Variants in NR2E1 observed in about 807,000 individuals in gnomAD.
NR2E1 encodes nuclear receptor TLX.
Under a neutral mutation model 43.6 loss-of-function variants are expected in NR2E1, and 5 were observed. The ratio of observed to expected loss-of-function variants is 0.11; its 90% CI spans 0.06 to 0.24. NR2E1 has a LOEUF of 0.24. NR2E1 is among the 10% of genes least tolerant of loss of function. NR2E1 has a pLI of 1.00. For synonymous variants in NR2E1, 191 were observed against 195.5 expected, an observed-to-expected ratio of 0.98 and a Z score of 0.19; for missense variants, 287 against 496.7, an observed-to-expected ratio of 0.58 and a Z score of 4.01.
intron 1 of NR2E1, chr6:108,168,173 C>A: frequency 1.9e-6 from 3 of 1,572,886 alleles, no homozygotes; most frequent in East Asian, 4.5e-5. Context: ...GTAAAGCGAC[C>A]TCGATTTTTG....
intron 3 of NR2E1, chr6:108,176,276 G>A (rs544274004): frequency 2.4e-4 from 140 of 592,138 alleles, no homozygotes; most frequent in African/African-American, 1.3e-3. Context: ...GGCACTTTGA[G>A]CACGGGCCCC....
intron 2 of NR2E1, among the ~76,000 whole-genome samples, chr6:108,172,015 A>C (rs1180005364): frequency 6.6e-6 from 1 of 152,210 alleles, no homozygotes; most frequent in Non-Finnish European, 1.5e-5. Flanking sequence ...CACTCCTAGC[A>C]GCATCAAGCT....
At position 108,187,427 on chromosome 6, in the gene NR2E1, A is replaced by G. The variant is rs775211530; in HGVS notation, c.1122A>G (p.Arg374=). The G allele has an allele frequency of 1.2e-6, 2 of 1,614,230 alleles. No homozygotes were observed. Among genetic ancestry groups the G allele is most frequent in the South Asian group, 1.1e-5 (1 of 91,086 alleles). Residue 374 remains arginine, a synonymous_variant, in exon 9 of 9, where the codon AGA becomes AGG. Transcript: ENST00000368986. ...KKTIGNVPIT[R]LLSDMYKSSD... ...CCATCGGCAATGTGCCAATTACAAG[A>G]CTGCTTTCAGATATGTACAAATCCA...
At chr6:108,171,380 C>G (rs1773808310) in intron 1 of NR2E1, 78 bp from the exon 2 acceptor site, 1 of 1,466,906 alleles carries the variant, frequency 6.8e-7, no homozygotes, top group Non-Finnish European at 9.6e-7. Flanking sequence ...CTCTCTCCCT[C>G]TCCCCTTTTC....
chr6:108,169,340 G>A lies in NR2E1; in HGVS notation c.26-2118G>A, dbSNP rs1221959254. ...AAGCTCGGGCGGGGGAATCCGAGGA[G>A]GGGCCCCCACCCTGCACTGGTCTTC... On this transcript the variant is annotated intron_variant, in intron 1 of 8. Coordinates refer to ENST00000368986, the MANE Select transcript of NR2E1 (RefSeq NM_003269.5). This position sits in a 1 kb window ranked among gnomAD's most constrained non-coding sequence, Gnocchi z 6.1. Among the ~76,000 whole-genome samples, 1 of 152,230 alleles carries A rather than the reference G, an allele frequency of 6.6e-6. No individual in the cohort carries two copies. The highest frequency in any genetic ancestry group is 1.5e-5 in the Non-Finnish European group (1 of 68,036).
rs1773710654 is a variant in NR2E1 at position 108,166,533 on chromosome 6, C to T, written c.-233C>T. 2.0e-6 allele frequency: 1 copy of T among 499,306 alleles called. No individual in the cohort carries two copies. The allele number at this position is 499,306 out of a possible 1,614,324, so 30.9% of individuals were successfully genotyped here. On this transcript the variant is annotated 5_prime_UTR_variant, in exon 1 of 9. Transcript: ENST00000368986. This position sits in a 1 kb window ranked among gnomAD's most constrained non-coding sequence, Gnocchi z 7.2. ...CCATATCAAGCAGCATTCCCAGCAG[C>T]TGCGGTTTTGCAAGAGCCGGGAAGA...
chr6:108,182,027 G>A (rs1223764428), intron 8 of NR2E1, among the ~76,000 whole-genome samples: 1 of 152,146 alleles, frequency 6.6e-6, no homozygotes, highest in African/African-American at 2.4e-5. Context: ...CACGAGGTCA[G>A]AAGATCGAGA....
At position 108,181,426 on chromosome 6, in the gene NR2E1, T is replaced by G. The variant is rs533441211; in HGVS notation, c.890-120T>G. ...CCAGGTTGGTCTCGAACTGCTGACC[T>G]CAAGTGATCCGCCTGCCTCGGCCTC... On this transcript the variant is annotated intron_variant, in intron 7 of 8. Transcript: ENST00000368986. 87 of 833,802 alleles carry G rather than the reference T, an allele frequency of 1.0e-4. No homozygotes were observed. The African/African-American group carries it at 1.0e-3, about 10-fold the overall frequency. 51.7% of individuals were successfully genotyped at this position (833,802 alleles called of 1,614,324 possible). A position where few individuals can be genotyped will look rare whatever the true frequency, so the allele number is the denominator to read the frequency against.
Position 108,169,136 on chromosome 6 carries a change from T to C in NR2E1, c.26-2322T>C, listed in dbSNP as rs1179104786. 1.3e-5 allele frequency among the ~76,000 whole-genome samples: 2 copies of C among 152,190 alleles called. No individual in the cohort carries two copies. The highest frequency in any genetic ancestry group is 1.3e-4 in the Admixed American group (2 of 15,282). ...CTCGTGACCCCAAGTCACCTTAACGTGGCTGGGTGGCGGAGTCTGAGGCAC... is the reference window on the plus strand; with the variant it reads ...CTCGTGACCCCAAGTCACCTTAACGCGGCTGGGTGGCGGAGTCTGAGGCAC... On this transcript the variant is annotated intron_variant, in intron 1 of 8. Coordinates refer to ENST00000368986, the MANE Select transcript of NR2E1 (RefSeq NM_003269.5). The surrounding 1 kb of genome is among the most constrained non-coding windows in gnomAD (Gnocchi z 6.1).
Position 108,181,546 on chromosome 6 carries a change from T to C in NR2E1, c.890T>C (p.Val297Ala). 2.5e-6 allele frequency: 4 copies of C among 1,612,732 alleles called. No homozygotes were observed. The highest frequency in any genetic ancestry group is 3.4e-6 in the Non-Finnish European group (4 of 1,178,724). ...CLKCIVTFKAVPTHSGSELRS... is the reference protein window; with the variant it reads ...CLKCIVTFKAAPTHSGSELRS... The stretch of plus-strand genomic sequence containing the variant: ...ACAGTTTCCTGGTCTTCATTTCTAG[T>C]TCCTACACATAGTGGTTCTGAACTG... The change falls in exon 8 of 9, where the codon GTT becomes GCT. Residue 297 changes from valine (V) to alanine (A), a missense_variant and splice_region_variant. Around this residue, in one of 4 missense-constraint regions of NR2E1, gnomAD observed 119 missense variants for 187.0 expected, o/e 0.64. Transcript: ENST00000368986.
At chr6:108,184,237 C>A (rs971659976) in intron 8 of NR2E1, among the ~76,000 whole-genome samples, 4 of 152,056 alleles carry the variant, frequency 2.6e-5, no homozygotes, top group African/African-American at 9.7e-5. Context: ...AAAACAAAAA[C>A]AAACTAACTT....
Position 108,166,687 on chromosome 6 carries a change from G to A in NR2E1, c.-79G>A, listed in dbSNP as rs1773712969. 4 of 1,257,550 alleles carry A rather than the reference G, an allele frequency of 3.2e-6. No homozygotes were observed. The highest frequency in any genetic ancestry group is 3.0e-5 in the Admixed American group (1 of 33,188). 77.9% of individuals were successfully genotyped at this position (1,257,550 alleles called of 1,614,324 possible). On this transcript the variant is annotated 5_prime_UTR_variant, in exon 1 of 9. Transcript: ENST00000368986. This position sits in a 1 kb window ranked among gnomAD's most constrained non-coding sequence, Gnocchi z 7.2. The stretch of plus-strand genomic sequence containing the variant: ...GGCTGGAGGGCAGCTGGAGAGCGGC[G>A]GCGCCCGGCGGCGAGGCGGGCGCTG...
chr6:108,173,173 G>A (rs1014797089), intron 2 of NR2E1, among the ~76,000 whole-genome samples: 8 of 152,152 alleles, frequency 5.3e-5, no homozygotes, highest in Non-Finnish European at 8.8e-5. Context: ...CAGAGCTGAG[G>A]CGTTTATCCT....
At chr6:108,172,448 AAG>A (rs1321746646) in intron 2 of NR2E1, among the ~76,000 whole-genome samples, 1 of 152,192 alleles carries the variant, frequency 6.6e-6, no homozygotes, top group Non-Finnish European at 1.5e-5. Context: ...AGCTTCTAGA[AAG>A]AGTGAGCAGA....
chr6:108,187,595 C>A lies in NR2E1; in HGVS notation c.*132C>A. 1 of 1,007,166 alleles carries A rather than the reference C, an allele frequency of 9.9e-7. No homozygotes were observed. 62.4% of individuals were successfully genotyped at this position (1,007,166 alleles called of 1,614,324 possible). ...TGTGTAGCCTTCAGGAAAAAAATGC[C>A]AATTGACACAAAGCATTCCAGTAGC... On this transcript the variant is annotated 3_prime_UTR_variant, in exon 9 of 9. Transcript: ENST00000368986.
Position 108,169,602 on chromosome 6 carries a change from T to A in NR2E1, c.26-1856T>A, listed in dbSNP as rs902016780. Among the ~76,000 whole-genome samples, 2 of 152,232 alleles carry A rather than the reference T, an allele frequency of 1.3e-5. No individual in the cohort carries two copies. The highest frequency in any genetic ancestry group is 4.1e-4 in the South Asian group (2 of 4,820). On this transcript the variant is annotated intron_variant, in intron 1 of 8. Transcript: ENST00000368986. The surrounding 1 kb of genome is among the most constrained non-coding windows in gnomAD (Gnocchi z 6.1). The stretch of plus-strand genomic sequence containing the variant: ...ATGGTTGTAAGATATGGAAACCAAG[T>A]TTACCGCTTCCAGAGTGAGTGCAGT...
Position 108,172,135 on chromosome 6 carries a change from G to T in NR2E1, c.171+532G>T, listed in dbSNP as rs1395200012. Among the ~76,000 whole-genome samples the T allele has an allele frequency of 2.0e-5, 3 of 152,204 alleles. No individual in the cohort carries two copies. The East Asian group carries it at 5.8e-4, about 29-fold the overall frequency. On this transcript the variant is annotated intron_variant, in intron 2 of 8. Coordinates refer to ENST00000368986, the MANE Select transcript of NR2E1 (RefSeq NM_003269.5). ...CCACCAAGTGAGTGCTAGCCACTTG[G>T]AAGAGAGGCCGTGCTTTCTGAAGGG...
At chr6:108,181,065 C>A in intron 7 of NR2E1, 109 bp downstream of exon 7, 1 of 1,180,286 alleles carries the variant, frequency 8.5e-7, no homozygotes, top group Non-Finnish European at 1.3e-6. Flanking sequence ...TGATGGTTTT[C>A]AAGGGAGCTG....
chr6:108,187,650 C>T lies in NR2E1; in HGVS notation c.*187C>T, dbSNP rs538141891. 1.0e-4 allele frequency: 64 copies of T among 632,518 alleles called. No individual in the cohort carries two copies. Among genetic ancestry groups the T allele is most frequent in the South Asian group, 6.5e-4 (37 of 57,174 alleles). 39.2% of individuals were successfully genotyped at this position (632,518 alleles called of 1,614,324 possible). A position where few individuals can be genotyped will look rare whatever the true frequency, so the allele number is the denominator to read the frequency against. ...ACCTGCCGCCCTGACCAGGATAGGG[C>T]GGGTGGGAAGGAGAGGGGTGCAACA... On this transcript the variant is annotated 3_prime_UTR_variant, in exon 9 of 9. Transcript: ENST00000368986.
Sources: gnomAD v4.1 joint callset for allele counts (sites outside exome capture counted in the v4.1 genomes callset) on GRCh38, gnomAD v4.1.1 for gene constraint, gnomAD v4.1.1 regional missense constraint, Gnocchi (gnomAD v3.1) non-coding constraint, MANE v1.5 for transcripts, NCBI Gene and HGNC (gene_info 2026-07-23, HGNC 2026-07-21) for gene names.